SYNE2: variants seen among roughly 807,000 people sequenced by gnomAD.
SYNE2 encodes spectrin repeat containing nuclear envelope protein 2.
Under a neutral mutation model 856.3 loss-of-function variants are expected in SYNE2, and 431 were observed. The ratio of observed to expected loss-of-function variants is 0.50; its 90% CI spans 0.47 to 0.55. SYNE2 has a LOEUF of 0.55. Among genes scored for constraint, SYNE2 ranks in the 20% least tolerant of loss-of-function variants. The pLI, the probability that SYNE2 is intolerant of heterozygous loss-of-function variation, is 0.00. For synonymous variants in SYNE2, 2,923 were observed against 2,872.3 expected (o/e 1.02, Z -0.56); for missense variants, 8,129 against 8,023.2 (o/e 1.01, Z -0.50).
chr14:63,778,431 T>G (rs1171112039), intron 1 of SYNE2, among the ~76,000 whole-genome samples: 3 of 152,232 alleles, frequency 2.0e-5, no homozygotes, highest in Non-Finnish European at 4.4e-5. Flanking sequence ...GGTATTCATT[T>G]AACACTATAT....
At chr14:63,905,794 T>C (rs979686396) in intron 1 of SYNE2, among the ~76,000 whole-genome samples, 1 of 152,212 alleles carries the variant, frequency 6.6e-6, no homozygotes, top group Non-Finnish European at 1.5e-5. Flanking sequence ...TTTATTTCTT[T>C]CTCTTGCCTG....
chr14:64,102,791 A>G (rs1595536629), intron 64 of SYNE2, among the ~76,000 whole-genome samples: 1 of 151,996 alleles, frequency 6.6e-6, no homozygotes, highest in East Asian at 1.9e-4. Flanking sequence ...TTTGACCAAC[A>G]TCTCCCCAGG....
intron 103 of SYNE2, among the ~76,000 whole-genome samples, chr14:64,211,199 A>G (rs1002493949): frequency 6.6e-6 from 1 of 152,156 alleles, no homozygotes; most frequent in Non-Finnish European, 1.5e-5. Context: ...GGCTGGTCTC[A>G]AACTCCTGGC....
intron 10 of SYNE2, among the ~76,000 whole-genome samples, chr14:63,965,344 C>T (rs576952319): frequency 2.6e-5 from 4 of 152,094 alleles, no homozygotes; most frequent in East Asian, 1.9e-4. Flanking sequence ...TTGGTATTAT[C>T]CCAGTTTTAC....
chr14:64,052,877 C>T lies in SYNE2; in HGVS notation c.8964C>T (p.Leu2988=), dbSNP rs374107455. ...KEEIYNLKDR[L]TAIKCCILQV... ...AGATCTATAATCTTAAAGACAGACT[C>T]ACCGCTATTAAGTGTTGCATCTTAC... Residue 2988 remains leucine, a synonymous_variant, in exon 48 of 116, where the codon CTC becomes CTT. Coordinates refer to ENST00000555002, the MANE Select transcript of SYNE2 (RefSeq NM_182914.3). 91 of 1,613,834 alleles carry T rather than the reference C, an allele frequency of 5.6e-5. No individual in the cohort carries two copies. In the African/African-American group the frequency reaches 9.7e-4, roughly 17 times the overall value.
At chr14:63,768,168 T>A in intron 1 of SYNE2, among the ~76,000 whole-genome samples, 1 of 151,232 alleles carries the variant, frequency 6.6e-6, no homozygotes. Context: ...CCAGCCTGGG[T>A]GATGAAGTGA....
intron 2 of SYNE2, among the ~76,000 whole-genome samples, chr14:63,917,465 C>A (rs1464972992): frequency 6.6e-6 from 1 of 152,076 alleles, no homozygotes; most frequent in Non-Finnish European, 1.5e-5. Flanking sequence ...GCTTTATAAT[C>A]TTTTTATTTA....
intron 1 of SYNE2, among the ~76,000 whole-genome samples, chr14:63,825,443 A>G (rs771108547): frequency 6.6e-6 from 1 of 152,166 alleles, no homozygotes; most frequent in African/African-American, 2.4e-5. Context: ...GTATTTCTAT[A>G]TACTGTCAAT....
intron 1 of SYNE2, among the ~76,000 whole-genome samples, chr14:63,866,033 A>C (rs1253250999): frequency 1.3e-5 from 2 of 152,120 alleles, no homozygotes; most frequent in Non-Finnish European, 2.9e-5. Flanking sequence ...ATTTCTAAGA[A>C]ATATTTTTTT....
At chr14:64,190,931 A>G (rs1207459475) in intron 99 of SYNE2, 6 of 701,524 alleles carry the variant, frequency 8.6e-6, no homozygotes, top group African/African-American at 3.5e-5. Flanking sequence ...CTCCAGGTGG[A>G]TGTTTTTTCA....
In SYNE2 at chr14:63,961,547, T is replaced by A; in HGVS notation, c.810T>A (p.Asp270Glu). The A allele has an allele frequency of 6.2e-7, 1 of 1,613,992 alleles. No homozygotes were observed. The highest frequency in any genetic ancestry group is 8.5e-7 in the Non-Finnish European group (1 of 1,179,910). Reference sequence around the variant, plus strand: ...CAGATGTGGATGTTGTTGATCCTGATGAAAAGTCCATCATGACCTATGTGG... The same window carrying A: ...CAGATGTGGATGTTGTTGATCCTGAAGAAAAGTCCATCATGACCTATGTGG... ...EPEDVDVVDP[D>E]EKSIMTYVAQ... The change falls in exon 9 of 116, where the codon GAT becomes GAA. Residue 270 changes from aspartate to glutamate, a missense_variant. Around this residue, in one of 3 missense-constraint regions of SYNE2, gnomAD observed 2,422 missense variants for 2,357.4 expected, o/e 1.03. Transcript: ENST00000555002.
intron 2 of SYNE2, among the ~76,000 whole-genome samples, chr14:63,917,684 G>A (rs2095548547): frequency 6.6e-6 from 1 of 151,852 alleles, no homozygotes; most frequent in South Asian, 2.1e-4. Flanking sequence ...TGGTCAGGCT[G>A]GTCTCTAACC....
In SYNE2 at chr14:64,006,951, T is replaced by G. The variant is rs1285876730; in HGVS notation, c.4398-92T>G. 3 of 1,009,938 alleles carry G rather than the reference T, an allele frequency of 3.0e-6. No individual in the cohort carries two copies. In the African/African-American group the frequency reaches 4.8e-5, roughly 16 times the overall value. 62.6% of individuals were successfully genotyped at this position (1,009,938 alleles called of 1,614,324 possible). A position where few individuals can be genotyped will look rare whatever the true frequency, so the allele number is the denominator to read the frequency against. On this transcript the variant is annotated intron_variant, in intron 30 of 115. Transcript: ENST00000555002. ...TGGCATTAACCACATGAGGACAAAT[T>G]AAAGTTAGTGTGCCTCCCCAAGTTA...
intron 22 of SYNE2, 106 bp from the exon 23 acceptor site, chr14:63,994,938 T>C: frequency 1.3e-6 from 1 of 748,532 alleles, no homozygotes; most frequent in Non-Finnish European, 2.1e-6. Context: ...GCACTTAAGC[T>C]TTGTTTCTGT....
intron 14 of SYNE2, among the ~76,000 whole-genome samples, chr14:63,979,859 G>A (rs2096572509): frequency 6.6e-6 from 1 of 151,946 alleles, no homozygotes; most frequent in Admixed American, 6.6e-5. Flanking sequence ...CAAGATTGTG[G>A]CACTGCACTG....
chr14:63,889,702 C>T (rs1362436805), intron 1 of SYNE2, among the ~76,000 whole-genome samples: 1 of 151,912 alleles, frequency 6.6e-6, no homozygotes, highest in African/African-American at 2.4e-5. Flanking sequence ...GGTGTGAAAC[C>T]CCTGGGCTCA....
In SYNE2 at chr14:63,983,876, A is replaced by T. The variant is rs2096604939; in HGVS notation, c.2141A>T (p.Gln714Leu). 6.5e-7 allele frequency: 1 copy of T among 1,537,880 alleles called. No individual in the cohort carries two copies. Among genetic ancestry groups the T allele is most frequent in the Non-Finnish European group, 9.0e-7 (1 of 1,117,080 alleles). Residue 714 changes from glutamine (Q) to leucine (L), a missense_variant, in exon 18 of 116, where the codon CAA (glutamine) becomes CTA (leucine). By Grantham distance (113) the Gln-to-Leu change is moderately radical. Around this residue, in one of 3 missense-constraint regions of SYNE2, gnomAD observed 2,422 missense variants for 2,357.4 expected, o/e 1.03. Transcript: ENST00000555002. ...GTAGAACTTCCTGAAAATTATAATC[A>T]AAATATAAAGGTAAAATAATCATAC... ...MSVELPENYNQNIKAGEKHEK... is the reference protein window; with the variant it reads ...MSVELPENYNLNIKAGEKHEK...
At chr14:64,187,151 C>T (rs1262242) in intron 97 of SYNE2, among the ~76,000 whole-genome samples, 80,364 of 152,082 alleles carry the variant, frequency 0.53, 23,636 homozygotes, top group African/African-American at 0.79. Flanking sequence ...TAGAGTATTA[C>T]ACGGTATAGG....
chr14:64,167,616 C>G lies in SYNE2; in HGVS notation c.16882C>G (p.Leu5628Val). ...TGTGGCTAACAGCCTTCCTGAGCTC[C>G]TGGAGCAGCAGAAAACCTATAAGGT... is the stretch of plus-strand genomic sequence containing the variant. ...VDVANSLPELLEQQKTYKMLE... is the reference protein window; with the variant it reads ...VDVANSLPELVEQQKTYKMLE... Residue 5628 changes from leucine (L) to valine (V), a missense_variant, in exon 92 of 116, where the codon CTG (leucine) becomes GTG (valine). Physicochemically the swap from Leu to Val is conservative, Grantham distance 32 (BLOSUM62 1). This residue lies in a region of SYNE2 where 5,410 missense variants were observed against 5,284.8 expected (regional missense o/e 1.02). Transcript: ENST00000555002. The G allele has an allele frequency of 6.2e-7, 1 of 1,614,202 alleles. No individual in the cohort carries two copies. Among genetic ancestry groups the G allele is most frequent in the Non-Finnish European group, 8.5e-7 (1 of 1,180,030 alleles).
Sources: allele counts gnomAD v4.1 joint callset (sites outside exome capture counted in the v4.1 genomes callset), GRCh38; gene constraint gnomAD v4.1.1; regional missense constraint gnomAD v4.1.1; transcripts MANE v1.5; gene names NCBI Gene and HGNC (gene_info 2026-07-23, HGNC 2026-07-21).